Variants in AAK1 observed in about 807,000 individuals in gnomAD.
AAK1 encodes the protein AP2-associated protein kinase 1.
In AAK1, 37 loss-of-function variants were observed where a neutral mutation model predicts 116.0. The observed-to-expected ratio is 0.32, with a 90% confidence interval of 0.25 to 0.42. The LOEUF (loss-of-function observed/expected upper bound fraction) is 0.42. AAK1 is among the 10% of genes least tolerant of loss of function. The pLI is 1.00. For synonymous variants in AAK1, 458 were observed against 439.9 expected, an observed-to-expected ratio of 1.04 and a Z score of -0.51; for missense variants, 919 against 1,170.6, an observed-to-expected ratio of 0.79 and a Z score of 3.14.
intron 15 of AAK1, among the ~76,000 whole-genome samples, chr2:69,507,162 T>C (rs542271412): frequency 6.6e-6 from 1 of 152,248 alleles, no homozygotes; most frequent in South Asian, 2.1e-4. Flanking sequence ...TTTCTACAAG[T>C]TTCTTCCCTA....
In AAK1 at chr2:69,467,453, G is replaced by T; in HGVS notation, c.*8416C>A. The T allele has an allele frequency of 2.0e-6, 2 of 985,330 alleles. No homozygotes were observed. The highest frequency in any genetic ancestry group is 2.4e-6 in the Non-Finnish European group (2 of 829,916). 61.0% of individuals were successfully genotyped at this position (985,330 alleles called of 1,614,324 possible). A position where few individuals can be genotyped will look rare whatever the true frequency, so the allele number is the denominator to read the frequency against. ...ATTAGCAGGTTAGAAGTATGTCATT[G>T]GGCACATGTTAGCAAGAGGGCAGGA... On this transcript the variant is annotated 3_prime_UTR_variant, in exon 22 of 22. Coordinates refer to ENST00000409085, the MANE Select transcript of AAK1 (RefSeq NM_014911.5).
At chr2:69,505,852 A>G (rs1055442314) in intron 15 of AAK1, among the ~76,000 whole-genome samples, 179 bp from the exon 16 acceptor site, 11 of 152,092 alleles carry the variant, frequency 7.2e-5, no homozygotes, top group South Asian at 4.2e-4. Context: ...AACGGCTGAG[A>G]AAAAAAAGGA....
intron 3 of AAK1, among the ~76,000 whole-genome samples, chr2:69,554,383 G>T (rs1429815728): frequency 1.3e-5 from 2 of 152,152 alleles, no homozygotes; most frequent in African/African-American, 4.8e-5. Flanking sequence ...CAGACCAAGA[G>T]AGGAAAAACA....
chr2:69,551,556 C>G (rs1332684683), intron 3 of AAK1, among the ~76,000 whole-genome samples: 1 of 152,190 alleles, frequency 6.6e-6, no homozygotes, highest in Non-Finnish European at 1.5e-5. Context: ...TCAAACATCA[C>G]TGGTGGCAGC....
intron 3 of AAK1, among the ~76,000 whole-genome samples, chr2:69,545,875 G>A (rs1018043519): frequency 2.0e-5 from 3 of 152,156 alleles, no homozygotes; most frequent in African/African-American, 7.2e-5. Flanking sequence ...AGCAAGTAGG[G>A]CCAGGGTCTA....
intron 17 of AAK1, among the ~76,000 whole-genome samples, chr2:69,494,477 G>T (rs1675661018): frequency 6.6e-6 from 1 of 152,150 alleles, no homozygotes; most frequent in Admixed American, 6.5e-5. Flanking sequence ...CTTCTTCCTG[G>T]CTTCTGCAGC....
intron 2 of AAK1, among the ~76,000 whole-genome samples, chr2:69,628,930 T>C (rs1675036248): frequency 6.6e-6 from 1 of 152,218 alleles, no homozygotes; most frequent in Non-Finnish European, 1.5e-5. Context: ...CAGAGGTACA[T>C]ACAGTACTCA....
intron 5 of AAK1, among the ~76,000 whole-genome samples, chr2:69,532,639 A>G (rs1304582299): frequency 6.6e-6 from 1 of 152,096 alleles, no homozygotes; most frequent in African/African-American, 2.4e-5. Context: ...CTCTTTCCCT[A>G]TTGTCCTTCA....
intron 2 of AAK1, among the ~76,000 whole-genome samples, chr2:69,562,676 A>G (rs1030805746): frequency 2.0e-5 from 3 of 152,084 alleles, no homozygotes; most frequent in East Asian, 1.9e-4. Context: ...CAGATCACAA[A>G]GTCAGGAGAT....
rs552579084 is a variant in AAK1 at position 69,571,557 on chromosome 2, G to A, written c.164-14579C>T. ...ACTCTAAGTCACCTTGCACCAATAT[G>A]TCTGTAGAACATATGAGCTCAATAA... On this transcript the variant is annotated intron_variant, in intron 2 of 21. Coordinates refer to ENST00000409085, the MANE Select transcript of AAK1 (RefSeq NM_014911.5). 3.9e-5 allele frequency among the ~76,000 whole-genome samples: 6 copies of A among 152,246 alleles called. No homozygotes were observed. In the South Asian group the frequency reaches 1.0e-3, roughly 26 times the overall value.
chr2:69,475,715 A>G lies in AAK1; in HGVS notation c.*154T>C. On this transcript the variant is annotated 3_prime_UTR_variant, in exon 22 of 22. Transcript: ENST00000409085. The stretch of plus-strand genomic sequence containing the variant: ...GCCAAAGTGATTTTCTTTCCTTATC[A>G]TTTCTACAGGAGAAGGCAAGGGGTA... The G allele has an allele frequency of 7.1e-7, 1 of 1,399,992 alleles. No individual in the cohort carries two copies. Among genetic ancestry groups the G allele is most frequent in the Non-Finnish European group, 9.3e-7 (1 of 1,076,960 alleles). The allele number at this position is 1,399,992 out of a possible 1,614,324, so 86.7% of individuals were successfully genotyped here. A position where few individuals can be genotyped will look rare whatever the true frequency, so the allele number is the denominator to read the frequency against.
At chr2:69,486,069 C>T (rs974196481) in intron 17 of AAK1, among the ~76,000 whole-genome samples, 1 of 151,978 alleles carries the variant, frequency 6.6e-6, no homozygotes, top group Non-Finnish European at 1.5e-5. Context: ...ATCCTTCAGC[C>T]GCAGCCTTCT....
At position 69,467,002 on chromosome 2, in the gene AAK1, T is replaced by G; in HGVS notation, c.*8867A>C. 1 of 985,460 alleles carries G rather than the reference T, an allele frequency of 1.0e-6. No individual in the cohort carries two copies. Among genetic ancestry groups the G allele is most frequent in the Non-Finnish European group, 1.2e-6 (1 of 829,944 alleles). 61.0% of individuals were successfully genotyped at this position (985,460 alleles called of 1,614,324 possible). A position where few individuals can be genotyped will look rare whatever the true frequency, so the allele number is the denominator to read the frequency against. On this transcript the variant is annotated 3_prime_UTR_variant, in exon 22 of 22. Coordinates refer to ENST00000409085, the MANE Select transcript of AAK1 (RefSeq NM_014911.5). ...CTGGCATGTGGTCATCCGCGCCACA[T>G]GCAGAGGGACAAACTCTCTGAAAAG... is the stretch of plus-strand genomic sequence containing the variant.
intron 2 of AAK1, among the ~76,000 whole-genome samples, chr2:69,615,430 A>G (rs1674281143): frequency 6.6e-6 from 1 of 152,220 alleles, no homozygotes; most frequent in Admixed American, 6.5e-5. Flanking sequence ...GACTCAAAAG[A>G]TAAAGACAGA....
chr2:69,520,782 G>A, intron 11 of AAK1, 52 bp downstream of exon 11: 2 of 1,504,960 alleles, frequency 1.3e-6, no homozygotes, highest in Non-Finnish European at 1.8e-6. Flanking sequence ...CTTCTCTGTT[G>A]TCCAGAATAA....
intron 3 of AAK1, among the ~76,000 whole-genome samples, chr2:69,551,685 C>T (rs1671189389): frequency 6.6e-6 from 1 of 152,200 alleles, no homozygotes; most frequent in Non-Finnish European, 1.5e-5. Flanking sequence ...GTTCTTACCC[C>T]TTTAGGTCTG....
At chr2:69,504,754 G>A (rs1281260183) in intron 16 of AAK1, among the ~76,000 whole-genome samples, 2 of 152,108 alleles carry the variant, frequency 1.3e-5, no homozygotes, top group African/African-American at 2.4e-5. Context: ...GCAACAGAGC[G>A]AGACTCCATC....
Position 69,474,454 on chromosome 2 carries a change from G to C in AAK1, c.*1415C>G. The stretch of plus-strand genomic sequence containing the variant: ...AAGTACATATAGAGAGGGTGACCAT[G>C]AGGCATGTTGTCATGTTAGTGCAGG... On this transcript the variant is annotated 3_prime_UTR_variant, in exon 22 of 22. Transcript: ENST00000409085. 1 of 985,654 alleles carries C rather than the reference G, an allele frequency of 1.0e-6. No homozygotes were observed. 61.1% of individuals were successfully genotyped at this position (985,654 alleles called of 1,614,324 possible).
chr2:69,509,688 A>C (rs1178797072), intron 13 of AAK1, among the ~76,000 whole-genome samples: 2 of 152,192 alleles, frequency 1.3e-5, no homozygotes, highest in Non-Finnish European at 2.9e-5. Context: ...GATACACATA[A>C]ATTTCAATCT....
Sources: gnomAD v4.1 joint callset for allele counts (sites outside exome capture counted in the v4.1 genomes callset) on GRCh38, gnomAD v4.1.1 for gene constraint, MANE v1.5 for transcripts, NCBI Gene and HGNC (gene_info 2026-07-23, HGNC 2026-07-21) for gene names.